The following ABHD12B variants were observed in gnomAD, a reference collection of about 807,000 sequenced individuals.
The protein encoded by ABHD12B is protein ABHD12B.
ABHD12B carries 42 observed loss-of-function variants against 50.4 expected under a neutral mutation model. The ratio of observed to expected loss-of-function variants is 0.83; its 90% confidence interval spans 0.65 to 1.08. The LOEUF is 1.08. Among genes scored for constraint, ABHD12B ranks in the 50% least tolerant of loss-of-function variants. The pLI is 0.00. For synonymous variants in ABHD12B, 167 were observed against 160.3 expected (o/e 1.04, Z -0.32); for missense variants, 479 against 447.7 (o/e 1.07, Z -0.63).
chr14:50,893,392 C>G (rs1271196876), intron 9 of ABHD12B: 1 of 154,376 alleles, frequency 6.5e-6, no homozygotes, highest in Non-Finnish European at 1.4e-5. Context: ...AGAAGCTCCC[C>G]CACTGAGCAC....
rs530825120 is a variant in ABHD12B at position 50,886,038 on chromosome 14, G to A, written c.662+143G>A. On this transcript the variant is annotated intron_variant, in intron 7 of 12. Transcript: ENST00000337334. Reference sequence around the variant, plus strand: ...TCATTTTCACACACTAGAAGTGGCTGAAGATCTTGCCATCTTACCATGCTA... The same window carrying A: ...TCATTTTCACACACTAGAAGTGGCTAAAGATCTTGCCATCTTACCATGCTA... 7.9e-5 allele frequency: 97 copies of A among 1,226,150 alleles called. No individual in the cohort carries two copies. In the African/African-American group the frequency reaches 1.4e-3, roughly 17 times the overall value. The allele number at this position is 1,226,150 out of a possible 1,614,324, so 76.0% of individuals were successfully genotyped here.
intron 5 of ABHD12B, 54 bp downstream of exon 5, chr14:50,881,680 A>T (rs1413016595): frequency 1.2e-6 from 2 of 1,605,634 alleles, no homozygotes; most frequent in African/African-American, 2.7e-5. Flanking sequence ...TTGATATGTC[A>T]TAAGATTTTC....
At chr14:50,901,258 T>G (rs763728688) in intron 9 of ABHD12B, among the ~76,000 whole-genome samples, 14 of 152,246 alleles carry the variant, frequency 9.2e-5, no homozygotes, top group Non-Finnish European at 1.6e-4. Context: ...TAGCATTCTA[T>G]TTCTTGGATT....
chr14:50,903,490 A>G, intron 11 of ABHD12B, 23 bp downstream of exon 11: 1 of 1,572,930 alleles, frequency 6.4e-7, no homozygotes, highest in Non-Finnish European at 8.7e-7. Context: ...CTCAATGCTG[A>G]CTGAAATATA....
In ABHD12B at chr14:50,885,816, G is replaced by A. The variant is rs151000371; in HGVS notation, c.583G>A (p.Ala195Thr). The change falls in exon 7 of 13, where the codon GCC (alanine) becomes ACC (threonine). Residue 195 changes from alanine (A) to threonine (T), a missense_variant. Coordinates refer to ENST00000337334, the MANE Select transcript of ABHD12B (RefSeq NM_001206673.2). ...CACAGAGGAGGGACTGACTACGGAT[G>A]CCATTTGTGTCTATGAGTGGACCAA... Reference protein sequence around the residue: ...KPTEEGLTTDAICVYEWTKAR... With the variant: ...KPTEEGLTTDTICVYEWTKAR... 32 of 1,614,072 alleles carry A rather than the reference G, an allele frequency of 2.0e-5. No homozygotes were observed. In the African/African-American group the frequency reaches 4.1e-4, roughly 21 times the overall value.
At chr14:50,874,997 C>A (rs2049841618) in intron 1 of ABHD12B, among the ~76,000 whole-genome samples, 1 of 152,216 alleles carries the variant, frequency 6.6e-6, no homozygotes, top group Admixed American at 6.5e-5. Flanking sequence ...TATTTTCAAC[C>A]TATGCGTCAA....
At chr14:50,893,932 G>T (rs1596018167) in intron 9 of ABHD12B, among the ~76,000 whole-genome samples, 1 of 152,248 alleles carries the variant, frequency 6.6e-6, no homozygotes, top group Non-Finnish European at 1.5e-5. Flanking sequence ...AAACTCCGGC[G>T]CTGGCCACAG....
intron 8 of ABHD12B, 88 bp downstream of exon 8, chr14:50,886,772 A>C (rs2050044378): frequency 9.4e-6 from 12 of 1,276,668 alleles, no homozygotes; most frequent in African/African-American, 5.9e-5. Flanking sequence ...CACTTTGAAC[A>C]TATAGACACC....
chr14:50,882,656 A>G (rs903622052), intron 5 of ABHD12B, among the ~76,000 whole-genome samples: 2 of 151,760 alleles, frequency 1.3e-5, no homozygotes, highest in African/African-American at 2.4e-5. Flanking sequence ...CTGGGATTAC[A>G]GGCATGAGCC....
At chr14:50,882,260 G>C (rs1175990562) in intron 5 of ABHD12B, among the ~76,000 whole-genome samples, 1 of 151,912 alleles carries the variant, frequency 6.6e-6, no homozygotes, top group Non-Finnish European at 1.5e-5. Flanking sequence ...CTTTCTCTGA[G>C]GGCTGGGGGA....
chr14:50,873,072 A>G (rs2049807927), intron 1 of ABHD12B, among the ~76,000 whole-genome samples: 1 of 152,110 alleles, frequency 6.6e-6, no homozygotes, highest in African/African-American at 2.4e-5. Flanking sequence ...GTGGGAAGGT[A>G]TTGGCATTTT....
intron 9 of ABHD12B, among the ~76,000 whole-genome samples, chr14:50,894,993 A>G (rs1333329075): frequency 6.7e-6 from 1 of 149,362 alleles, no homozygotes; most frequent in Non-Finnish European, 1.5e-5. Context: ...CCTGCCCAGC[A>G]ATTTACTCTT....
rs747748717 is a variant in ABHD12B at position 50,901,804 on chromosome 14, A to T, written c.781-25A>T. On this transcript the variant is annotated intron_variant, in intron 9 of 12. Coordinates refer to ENST00000337334, the MANE Select transcript of ABHD12B (RefSeq NM_001206673.2). ...TGGCATAGCTATGGGGCAAATATTAATTTTTTTTTCTTTTTTAAAAATAGA... is the reference window on the plus strand; with the variant it reads ...TGGCATAGCTATGGGGCAAATATTATTTTTTTTTTCTTTTTTAAAAATAGA... 7 of 1,482,060 alleles carry T rather than the reference A, an allele frequency of 4.7e-6. No homozygotes were observed. In the Admixed American group the frequency reaches 7.9e-5, roughly 17 times the overall value. 91.8% of individuals were successfully genotyped at this position (1,482,060 alleles called of 1,614,324 possible). A position where few individuals can be genotyped will look rare whatever the true frequency, so the allele number is the denominator to read the frequency against.
At chr14:50,881,404 G>C (rs1298662243) in intron 4 of ABHD12B, among the ~76,000 whole-genome samples, 192 bp from the exon 5 acceptor site, 1 of 150,746 alleles carries the variant, frequency 6.6e-6, no homozygotes, top group South Asian at 2.1e-4. Flanking sequence ...AGCCACATTT[G>C]CTGAAATTTC....
At chr14:50,880,119 C>A (rs1449745292) in intron 3 of ABHD12B, among the ~76,000 whole-genome samples, 1 of 152,114 alleles carries the variant, frequency 6.6e-6, no homozygotes, top group Non-Finnish European at 1.5e-5. Context: ...CATCTATTAT[C>A]TTTTACTTGT....
chr14:50,887,011 C>T lies in ABHD12B; in HGVS notation c.700+327C>T, dbSNP rs191893515. ...TGGGTGGATCACGAGGTCAGGAGTT[C>T]GAGACCAGCCTGGCCAAGATGGTGA... On this transcript the variant is annotated intron_variant, in intron 8 of 12. Transcript: ENST00000337334. Among the ~76,000 whole-genome samples the T allele has an allele frequency of 4.9e-3, 750 of 151,814 alleles. 9 individuals are homozygous for T. The highest frequency in any genetic ancestry group is 0.017 in the African/African-American group (712 of 41,394).
intron 9 of ABHD12B, chr14:50,891,246 GT>G (rs2050112303): frequency 6.7e-5 from 1 of 14,878 alleles, no homozygotes; most frequent in Non-Finnish European, 1.5e-4. Context: ...ATAAAGAGAC[GT>G]TTCTTTTTTT....
chr14:50,887,191 G>T (rs575966036), intron 8 of ABHD12B, among the ~76,000 whole-genome samples: 1 of 94,662 alleles, frequency 1.1e-5, no homozygotes. Flanking sequence ...TAGCCTGGGC[G>T]ACAGAGCAAG....
intron 9 of ABHD12B, among the ~76,000 whole-genome samples, 159 bp from the exon 10 acceptor site, chr14:50,901,670 G>A (rs1218024870): frequency 6.6e-6 from 1 of 152,060 alleles, no homozygotes; most frequent in Non-Finnish European, 1.5e-5. Flanking sequence ...CCAAATTCCC[G>A]ACGTGCATTA....
Sources: gnomAD v4.1 joint callset for allele counts (sites outside exome capture counted in the v4.1 genomes callset) on GRCh38, gnomAD v4.1.1 for gene constraint, MANE v1.5 for transcripts, NCBI Gene and HGNC (gene_info 2026-07-23, HGNC 2026-07-21) for gene names.